Variants in OSBPL6 observed in about 807,000 individuals in gnomAD.
OSBPL6 encodes oxysterol-binding protein-related protein 6.
Under a neutral mutation model 125.8 loss-of-function variants are expected in OSBPL6, and 49 were observed. The ratio of observed to expected loss-of-function variants is 0.39; its 90% CI spans 0.31 to 0.49. The LOEUF (loss-of-function observed/expected upper bound fraction) is 0.49, where lower values mean the gene tolerates loss of function less well. OSBPL6 is among the 20% of genes least tolerant of loss of function. The pLI is 0.88. For missense variants in OSBPL6, 986 were observed against 1,135.4 expected, an observed-to-expected ratio of 0.87 and a Z score of 1.89; for synonymous variants, 394 against 391.8, an observed-to-expected ratio of 1.01 and a Z score of -0.07.
At chr2:178,217,440 G>C (rs77546895) in intron 1 of OSBPL6, among the ~76,000 whole-genome samples, 6,403 of 152,194 alleles carry the variant, frequency 0.042, 184 homozygotes, top group Middle Eastern at 0.11. Flanking sequence ...GTGTATACTC[G>C]GGGTTTTGTC....
In OSBPL6 at chr2:178,383,396, A is replaced by G. The variant is rs1399266976; in HGVS notation, c.1875+119A>G. 3.6e-5 allele frequency: 49 copies of G among 1,375,556 alleles called. No individual in the cohort carries two copies. In the East Asian group the frequency reaches 9.7e-4, roughly 27 times the overall value. The allele number at this position is 1,375,556 out of a possible 1,614,324, so 85.2% of individuals were successfully genotyped here. On this transcript the variant is annotated intron_variant, in intron 17 of 24. Coordinates refer to ENST00000190611, the MANE Select transcript of OSBPL6 (RefSeq NM_032523.4). ...CATAATATTCTTACTGCATAGTAAA[A>G]GAGGAATTGATCTGTTTGCATAAAT... is the stretch of plus-strand genomic sequence containing the variant.
intron 15 of OSBPL6, among the ~76,000 whole-genome samples, chr2:178,378,857 T>C (rs1204011438): frequency 6.6e-6 from 1 of 152,140 alleles, no homozygotes; most frequent in Non-Finnish European, 1.5e-5. Flanking sequence ...TATATTAGTT[T>C]GGGAGAGATT....
chr2:178,195,899 G>A (rs1445820294), intron 1 of OSBPL6, among the ~76,000 whole-genome samples: 2 of 152,084 alleles, frequency 1.3e-5, no homozygotes, highest in East Asian at 3.9e-4. Flanking sequence ...ATTAGGAAAT[G>A]TAGTCTTCAC....
At chr2:178,303,089 C>T (rs1686444923) in intron 2 of OSBPL6, among the ~76,000 whole-genome samples, 2 of 152,200 alleles carry the variant, frequency 1.3e-5, no homozygotes, top group African/African-American at 4.8e-5. Context: ...AAACTTCACT[C>T]ACTTATTAGA....
At chr2:178,220,983 A>G (rs898361647) in intron 1 of OSBPL6, among the ~76,000 whole-genome samples, 10 of 152,224 alleles carry the variant, frequency 6.6e-5, no homozygotes, top group African/African-American at 2.2e-4. Flanking sequence ...GGCTGTGTCC[A>G]TTAAGCCAGG....
At chr2:178,306,982 G>A (rs1686820424) in intron 3 of OSBPL6, among the ~76,000 whole-genome samples, 1 of 152,154 alleles carries the variant, frequency 6.6e-6, no homozygotes, top group Non-Finnish European at 1.5e-5. Context: ...GCCAGCACAG[G>A]TCTGAGCATG....
intron 3 of OSBPL6, chr2:178,320,279 G>A: frequency 6.2e-7 from 1 of 1,611,366 alleles, no homozygotes; most frequent in East Asian, 2.2e-5. Flanking sequence ...TGAGATCAAT[G>A]AACACTAACC....
At chr2:178,333,750 T>C (rs1306266671) in intron 8 of OSBPL6, among the ~76,000 whole-genome samples, 1 of 152,198 alleles carries the variant, frequency 6.6e-6, no homozygotes, top group African/African-American at 2.4e-5. Flanking sequence ...TGACCTATAA[T>C]ATATACATGA....
At chr2:178,199,808 C>T (rs1399996735) in intron 1 of OSBPL6, among the ~76,000 whole-genome samples, 1 of 152,002 alleles carries the variant, frequency 6.6e-6, no homozygotes, top group Non-Finnish European at 1.5e-5. Context: ...AATTATAGTT[C>T]TGTTTGGTTT....
chr2:178,220,713 TG>T (rs2090302210), intron 1 of OSBPL6, among the ~76,000 whole-genome samples: 1 of 152,228 alleles, frequency 6.6e-6, no homozygotes. Context: ...GAAGCTGAAA[TG>T]TATTTTTCTG....
At chr2:178,299,786 G>T (rs917021280) in intron 2 of OSBPL6, among the ~76,000 whole-genome samples, 4 of 152,170 alleles carry the variant, frequency 2.6e-5, no homozygotes, top group Non-Finnish European at 4.4e-5. Context: ...CAAAGTAAAA[G>T]ATATGATTCC....
intron 15 of OSBPL6, among the ~76,000 whole-genome samples, chr2:178,379,409 AAGAAAG>A (rs1488538953): frequency 1.4e-5 from 2 of 143,790 alleles, no homozygotes; most frequent in African/African-American, 5.1e-5. Context: ...GAGGGAGGGA[AAGAAAG>A]AGAAAGAAAA....
intron 1 of OSBPL6, among the ~76,000 whole-genome samples, chr2:178,218,023 A>G (rs988765429): frequency 6.6e-6 from 1 of 152,188 alleles, no homozygotes; most frequent in African/African-American, 2.4e-5. Context: ...TTGAGTGAAG[A>G]TATGGACGTT....
intron 1 of OSBPL6, among the ~76,000 whole-genome samples, chr2:178,228,501 C>G (rs534064355): frequency 1.1e-4 from 17 of 152,302 alleles, no homozygotes; most frequent in African/African-American, 2.2e-4. Context: ...TGCCACTGCA[C>G]TCCGGCCAGG....
chr2:178,278,249 A>G (rs141832573), intron 1 of OSBPL6, among the ~76,000 whole-genome samples: 1 of 152,306 alleles, frequency 6.6e-6, no homozygotes, highest in East Asian at 1.9e-4. Context: ...TCATGCCATC[A>G]ATATTCATAG....
chr2:178,385,375 T>G, intron 18 of OSBPL6, 83 bp from the exon 19 acceptor site: 3 of 977,412 alleles, frequency 3.1e-6, no homozygotes, highest in Non-Finnish European at 4.7e-6. Flanking sequence ...TTATACATTT[T>G]GAGAATAATT....
At chr2:178,342,256 G>A (rs1690278669) in intron 11 of OSBPL6, among the ~76,000 whole-genome samples, 2 of 152,136 alleles carry the variant, frequency 1.3e-5, no homozygotes, top group African/African-American at 4.8e-5. Flanking sequence ...TTGTGAAGGT[G>A]CCCAGACCAT....
intron 1 of OSBPL6, among the ~76,000 whole-genome samples, chr2:178,227,494 G>A (rs769858612): frequency 3.9e-5 from 6 of 152,104 alleles, no homozygotes; most frequent in East Asian, 1.9e-4. Context: ...CAAGAAATAC[G>A]TCCAGAAATG....
intron 11 of OSBPL6, among the ~76,000 whole-genome samples, chr2:178,343,936 C>T (rs962005399): frequency 1.3e-5 from 2 of 152,052 alleles, no homozygotes; most frequent in Admixed American, 1.3e-4. Flanking sequence ...TCCTTGCTAC[C>T]GTTTATTGAA....
Sources: gnomAD v4.1 joint callset for allele counts (sites outside exome capture counted in the v4.1 genomes callset) on GRCh38, gnomAD v4.1.1 for gene constraint, MANE v1.5 for transcripts, NCBI Gene and HGNC (gene_info 2026-07-23, HGNC 2026-07-21) for gene names.